Variants in PLCB1 observed in about 807,000 individuals in gnomAD.
PLCB1 encodes the protein phospholipase C beta 1, also known as 1-phosphatidylinositol 4,5-bisphosphate phosphodiesterase beta-1.
PLCB1 carries 46 observed loss-of-function variants against 161.8 expected under a neutral mutation model. That is an observed-to-expected ratio of 0.28 (90% confidence interval 0.22 to 0.36). The LOEUF (loss-of-function observed/expected upper bound fraction) is 0.36, where lower values mean the gene tolerates loss of function less well. PLCB1 is among the 10% of genes least tolerant of loss of function. The probability of loss-of-function intolerance (pLI) is 1.00; values close to 1 mark genes in which losing one functional copy is unlikely to be tolerated. For synonymous variants in PLCB1, 517 were observed against 503.7 expected (o/e 1.03, Z -0.35); for missense variants, 1,016 against 1,472.5 (o/e 0.69, Z 5.07).
intron 2 of PLCB1, among the ~76,000 whole-genome samples, chr20:8,163,433 G>C (rs530309665): frequency 1.3e-5 from 2 of 152,326 alleles, no homozygotes; most frequent in South Asian, 2.1e-4. Flanking sequence ...GCTGGAAGCT[G>C]TCCGTTGGCA....
chr20:8,576,608 G>A (rs1425971162), intron 3 of PLCB1, among the ~76,000 whole-genome samples: 1 of 151,954 alleles, frequency 6.6e-6, no homozygotes, highest in Non-Finnish European at 1.5e-5. Flanking sequence ...AATATTTTGG[G>A]AATATGTATT....
At chr20:8,539,656 C>G (rs1193983708) in intron 3 of PLCB1, among the ~76,000 whole-genome samples, 2 of 92,854 alleles carry the variant, frequency 2.2e-5, no homozygotes, top group Non-Finnish European at 4.2e-5. Flanking sequence ...TTCTTTCTTT[C>G]TTTCTTTCTT....
intron 2 of PLCB1, among the ~76,000 whole-genome samples, chr20:8,304,642 G>T (rs778197352): frequency 7.2e-5 from 11 of 151,898 alleles, no homozygotes; most frequent in Non-Finnish European, 1.2e-4. Context: ...TGCTTTGTGT[G>T]TGTGTGTGTG....
chr20:8,379,651 G>A (rs1987202147), intron 3 of PLCB1, among the ~76,000 whole-genome samples: 2 of 152,132 alleles, frequency 1.3e-5, no homozygotes, highest in Admixed American at 1.3e-4. Flanking sequence ...ATTCTGACTG[G>A]CATGAGATGG....
chr20:8,272,638 T>C (rs6133564), intron 2 of PLCB1, among the ~76,000 whole-genome samples: 16,422 of 152,136 alleles, frequency 0.11, 1,056 homozygotes, highest in East Asian at 0.18. Flanking sequence ...TCCAAACCAG[T>C]TTCCCAGGTT....
chr20:8,298,416 C>A (rs1983738718), intron 2 of PLCB1, among the ~76,000 whole-genome samples: 1 of 152,002 alleles, frequency 6.6e-6, no homozygotes, highest in African/African-American at 2.4e-5. Context: ...TTGTGACTAG[C>A]AGATGCTGAG....
At chr20:8,365,739 A>T (rs550550508) in intron 2 of PLCB1, among the ~76,000 whole-genome samples, 1 of 152,340 alleles carries the variant, frequency 6.6e-6, no homozygotes, top group East Asian at 1.9e-4. Flanking sequence ...GACCAACTTA[A>T]TGACTATACC....
In PLCB1 at chr20:8,132,623, C is replaced by A; in HGVS notation, c.-29C>A. The A allele has an allele frequency of 6.5e-7, 1 of 1,550,316 alleles. No individual in the cohort carries two copies. Among genetic ancestry groups the A allele is most frequent in the Non-Finnish European group, 8.8e-7 (1 of 1,135,060 alleles). ...GTCCCCAGTCCCTGCCGCGCTCGCC[C>A]GGGCCGCCCGGAGCCCAGATGAGCC... is the stretch of plus-strand genomic sequence containing the variant. On this transcript the variant is annotated 5_prime_UTR_variant, in exon 1 of 32. Coordinates refer to ENST00000338037, the MANE Select transcript of PLCB1 (RefSeq NM_015192.4). This position sits in a 1 kb window ranked among gnomAD's most constrained non-coding sequence, Gnocchi z 5.2.
chr20:8,235,723 A>G (rs536217830), intron 2 of PLCB1, among the ~76,000 whole-genome samples: 2 of 152,244 alleles, frequency 1.3e-5, no homozygotes, highest in South Asian at 4.1e-4. Flanking sequence ...TGAAAAAACA[A>G]GATCAACTAA....
intron 3 of PLCB1, among the ~76,000 whole-genome samples, chr20:8,605,184 T>G (rs957930455): frequency 6.6e-6 from 1 of 152,142 alleles, no homozygotes; most frequent in African/African-American, 2.4e-5. Context: ...CTGTTGTATC[T>G]TGTGAGAGTA....
chr20:8,274,738 A>G (rs1478279592), intron 2 of PLCB1, among the ~76,000 whole-genome samples: 1 of 152,084 alleles, frequency 6.6e-6, no homozygotes, highest in East Asian at 1.9e-4. Flanking sequence ...ATGTTGGCCA[A>G]TGTCAGCCAT....
chr20:8,175,952 A>C (rs1324179834), intron 2 of PLCB1, among the ~76,000 whole-genome samples: 1 of 152,198 alleles, frequency 6.6e-6, no homozygotes, highest in African/African-American at 2.4e-5. Flanking sequence ...CCATTAGGGA[A>C]ATGCAAATTA....
At chr20:8,625,809 A>G (rs2123209853) in intron 3 of PLCB1, among the ~76,000 whole-genome samples, 1 of 152,234 alleles carries the variant, frequency 6.6e-6, no homozygotes, top group Non-Finnish European at 1.5e-5. Context: ...CAGCAGCATC[A>G]TTTTACCAGC....
intron 9 of PLCB1, among the ~76,000 whole-genome samples, chr20:8,681,086 G>GTGTGTGTGTATATATATA (rs1394518085): frequency 8.1e-5 from 6 of 73,836 alleles, no homozygotes; most frequent in Admixed American, 1.6e-4. Context: ...ATGTGTGTGT[G>GTGTGTGTGTATATATATA]TATATATATA....
At chr20:8,279,250 C>G (rs929209186) in intron 2 of PLCB1, among the ~76,000 whole-genome samples, 2 of 152,092 alleles carry the variant, frequency 1.3e-5, no homozygotes, top group African/African-American at 4.8e-5. Flanking sequence ...ACTGGAAACT[C>G]AAATGTCCAT....
intron 12 of PLCB1, among the ~76,000 whole-genome samples, chr20:8,710,889 C>G (rs1180689918): frequency 1.3e-5 from 2 of 152,156 alleles, no homozygotes; most frequent in African/African-American, 4.8e-5. Flanking sequence ...TGAGCTTCCC[C>G]TTGGCATAGC....
intron 31 of PLCB1, among the ~76,000 whole-genome samples, chr20:8,820,411 C>T (rs1985284953): frequency 6.6e-6 from 1 of 151,966 alleles, no homozygotes; most frequent in Non-Finnish European, 1.5e-5. Context: ...CAAAGAAATG[C>T]ACATTGAAAC....
At chr20:8,248,075 G>C (rs953605712) in intron 2 of PLCB1, among the ~76,000 whole-genome samples, 3 of 151,880 alleles carry the variant, frequency 2.0e-5, no homozygotes, top group South Asian at 2.1e-4. Flanking sequence ...GGATTTATTA[G>C]GGAAGCATCT....
At chr20:8,844,418 C>T (rs1214644700) in intron 31 of PLCB1, among the ~76,000 whole-genome samples, 1 of 152,124 alleles carries the variant, frequency 6.6e-6, no homozygotes, top group Non-Finnish European at 1.5e-5. Flanking sequence ...CTGTCCAAGC[C>T]CTTGAACGTG....
Sources: allele counts gnomAD v4.1 joint callset (sites outside exome capture counted in the v4.1 genomes callset), GRCh38; gene constraint gnomAD v4.1.1; non-coding constraint Gnocchi (gnomAD v3.1); transcripts MANE v1.5; gene names NCBI Gene and HGNC (gene_info 2026-07-23, HGNC 2026-07-21).